The following KCNMA1 variants were observed in gnomAD, a reference collection of about 807,000 sequenced individuals.
The protein encoded by KCNMA1 is potassium calcium-activated channel subfamily M alpha 1, also known as Calcium-activated potassium channel subunit alpha-1.
Under a neutral mutation model 140.0 loss-of-function variants are expected in KCNMA1, and 29 were observed. That is an observed-to-expected ratio of 0.21 (90% CI 0.15 to 0.28). KCNMA1 has a LOEUF of 0.28. KCNMA1 is among the 10% of genes least tolerant of loss of function. The pLI, the probability that KCNMA1 is intolerant of heterozygous loss-of-function variation, is 1.00. For missense variants in KCNMA1, 880 were observed against 1,602.2 expected, an observed-to-expected ratio of 0.55 and a Z score of 7.70; for synonymous variants, 612 against 611.9, an observed-to-expected ratio of 1.00 and a Z score of 0.00.
intron 2 of KCNMA1, among the ~76,000 whole-genome samples, chr10:77,274,941 T>C (rs577792073): frequency 1.8e-4 from 28 of 152,364 alleles, no homozygotes; most frequent in African/African-American, 6.3e-4. Flanking sequence ...CAGCCTTGGC[T>C]GGCCATGGTG....
chr10:77,067,607 C>A (rs1418675112), intron 14 of KCNMA1, among the ~76,000 whole-genome samples: 2 of 152,222 alleles, frequency 1.3e-5, no homozygotes, highest in African/African-American at 4.8e-5. Context: ...AGCCCTTCAG[C>A]TCCACTTGGT....
intron 19 of KCNMA1, among the ~76,000 whole-genome samples, 185 bp downstream of exon 19, chr10:77,001,222 G>A (rs565070330): frequency 6.6e-6 from 1 of 152,202 alleles, no homozygotes; most frequent in Admixed American, 6.5e-5. Flanking sequence ...AAAATCAGAA[G>A]GGAGGCCTTC....
At chr10:77,590,334 C>T (rs777242107) in intron 1 of KCNMA1, among the ~76,000 whole-genome samples, 16 of 152,198 alleles carry the variant, frequency 1.1e-4, no homozygotes, top group African/African-American at 2.4e-4. Context: ...GAGCAGGGGG[C>T]GGCGCTCCTC....
chr10:77,612,127 T>C (rs1317391181), intron 1 of KCNMA1, among the ~76,000 whole-genome samples: 1 of 152,040 alleles, frequency 6.6e-6, no homozygotes, highest in African/African-American at 2.4e-5. Context: ...CAAGAACATA[T>C]GGAGGCCACA....
At chr10:77,272,438 T>C (rs1454318778) in intron 2 of KCNMA1, among the ~76,000 whole-genome samples, 1 of 152,216 alleles carries the variant, frequency 6.6e-6, no homozygotes, top group African/African-American at 2.4e-5. Flanking sequence ...TTTGTGTATA[T>C]GTCTTATCTC....
intron 2 of KCNMA1, among the ~76,000 whole-genome samples, chr10:77,260,182 G>A (rs187976610): frequency 2.0e-5 from 3 of 152,166 alleles, no homozygotes; most frequent in Non-Finnish European, 2.9e-5. Flanking sequence ...ACACACACAG[G>A]GATAGCAAGG....
At chr10:77,186,440 G>A (rs2098852285) in intron 3 of KCNMA1, among the ~76,000 whole-genome samples, 1 of 152,032 alleles carries the variant, frequency 6.6e-6, no homozygotes, top group African/African-American at 2.4e-5. Context: ...AAGACAGCAT[G>A]GAATTTGGTT....
At position 77,147,308 on chromosome 10, in the gene KCNMA1, A is replaced by G. The variant is rs533869565; in HGVS notation, c.809-26260T>C. 2.0e-5 allele frequency among the ~76,000 whole-genome samples: 3 copies of G among 152,270 alleles called. No individual in the cohort carries two copies. The South Asian group carries it at 6.2e-4, about 32-fold the overall frequency. On this transcript the variant is annotated intron_variant, in intron 5 of 27. Transcript: ENST00000286628. ...AGTTTGGGAACTAGAAGCCTGTGTC[A>G]TTTGCACAGGTCTCAAGTTACAAGG... is the stretch of plus-strand genomic sequence containing the variant.
rs180729925 is a variant in KCNMA1 at position 76,937,257 on chromosome 10, G to T, written c.2902+7516C>A. On this transcript the variant is annotated intron_variant, in intron 23 of 27. Coordinates refer to ENST00000286628, the MANE Select transcript of KCNMA1 (RefSeq NM_001161352.2). ...TGTCCAATGGAGCAGAAGATTAAATGGCCCTTTAAGCCTGCTGGCTTTGTT... is the reference window on the plus strand; with the variant it reads ...TGTCCAATGGAGCAGAAGATTAAATTGCCCTTTAAGCCTGCTGGCTTTGTT... 2.2e-3 allele frequency among the ~76,000 whole-genome samples: 334 copies of T among 152,298 alleles called. 1 individual carries two copies. The highest frequency in any genetic ancestry group is 4.2e-3 in the Non-Finnish European group (283 of 68,020).
chr10:77,147,333 G>A (rs1271465484), intron 5 of KCNMA1, among the ~76,000 whole-genome samples: 1 of 152,104 alleles, frequency 6.6e-6, no homozygotes, highest in Non-Finnish European at 1.5e-5. Context: ...AAGTTACAAG[G>A]GAAAAAGATG....
chr10:77,314,714 C>T (rs763846640), intron 2 of KCNMA1, among the ~76,000 whole-genome samples: 1 of 152,086 alleles, frequency 6.6e-6, no homozygotes, highest in Non-Finnish European at 1.5e-5. Flanking sequence ...CCCATGTTAG[C>T]TCCTGGTGCT....
chr10:76,906,740 T>C (rs2047979703), intron 25 of KCNMA1, among the ~76,000 whole-genome samples: 1 of 152,192 alleles, frequency 6.6e-6, no homozygotes, highest in Non-Finnish European at 1.5e-5. Flanking sequence ...TGACAGCCCT[T>C]TTTGTTCCTT....
intron 1 of KCNMA1, among the ~76,000 whole-genome samples, chr10:77,480,838 G>A (rs998965691): frequency 4.6e-5 from 7 of 152,104 alleles, no homozygotes; most frequent in Non-Finnish European, 7.4e-5. Flanking sequence ...AGCCGGGCAC[G>A]GTGGCTCACA....
downstream of KCNMA1, chr10:76,873,612 C>T (rs1486159925): frequency 6.6e-6 from 1 of 152,146 alleles, no homozygotes; most frequent in African/African-American, 2.4e-5. Flanking sequence ...CAAGTAAGAA[C>T]AAAACAGAAA....
chr10:77,571,237 G>A (rs1189419100), intron 1 of KCNMA1, among the ~76,000 whole-genome samples: 1 of 152,118 alleles, frequency 6.6e-6, no homozygotes, highest in Non-Finnish European at 1.5e-5. Flanking sequence ...TTCACTCGTG[G>A]TGACTGGTTT....
rs1187442257 is a variant in KCNMA1 at position 77,034,243 on chromosome 10, C to CAAAA, written c.1859+5281_1859+5284dup. ...TGGGCTACAGAGTGAGACTCCATCT[C>CAAAA]AAAAAAAAAAAAAAAAAAAGAGAGA... On this transcript the variant is annotated intron_variant, in intron 15 of 27. Coordinates refer to ENST00000286628, the MANE Select transcript of KCNMA1 (RefSeq NM_001161352.2). Among the ~76,000 whole-genome samples, 7 of 71,584 alleles carry CAAAA rather than the reference C, an allele frequency of 9.8e-5. No individual in the cohort carries two copies. The East Asian group carries it at 2.8e-3, about 28-fold the overall frequency. The allele number at this position is 71,584 out of a possible 152,430, so 47.0% of individuals were successfully genotyped here. A position where few individuals can be genotyped will look rare whatever the true frequency, so the allele number is the denominator to read the frequency against.
chr10:76,926,910 A>C (rs746102729), intron 23 of KCNMA1, among the ~76,000 whole-genome samples: 3 of 152,292 alleles, frequency 2.0e-5, no homozygotes, highest in Non-Finnish European at 4.4e-5. Context: ...ATCCTCTCTC[A>C]GGAGTAGCCC....
intron 2 of KCNMA1, chr10:77,355,167 A>T (rs1169625787): frequency 6.4e-6 from 1 of 155,768 alleles, no homozygotes; most frequent in Non-Finnish European, 1.4e-5. Context: ...TGCTGCTGTC[A>T]GGTAAAGAAG....
At chr10:77,556,413 G>A (rs966820304) in intron 1 of KCNMA1, among the ~76,000 whole-genome samples, 7 of 144,792 alleles carry the variant, frequency 4.8e-5, no homozygotes, top group Admixed American at 3.6e-4. Flanking sequence ...GCTGAGGCAG[G>A]AGAATTGCTT....
Sources: gnomAD v4.1 joint callset for allele counts (sites outside exome capture counted in the v4.1 genomes callset) on GRCh38, gnomAD v4.1.1 for gene constraint, MANE v1.5 for transcripts, NCBI Gene and HGNC (gene_info 2026-07-23, HGNC 2026-07-21) for gene names.